FRMD4A: variants seen among roughly 807,000 people sequenced by gnomAD.
FRMD4A encodes the protein FERM domain containing 4A.
FRMD4A carries 29 observed loss-of-function variants against 129.1 expected under a neutral mutation model. That is an observed-to-expected ratio of 0.22 (90% CI 0.17 to 0.31). The LOEUF (loss-of-function observed/expected upper bound fraction) is 0.31. Ranked by LOEUF, FRMD4A falls within the 10% of genes least tolerant of loss-of-function variation. The pLI is 1.00. For missense variants in FRMD4A, 1,272 were observed against 1,375.8 expected (o/e 0.92, Z 1.19); for synonymous variants, 634 against 571.6 (o/e 1.11, Z -1.56).
At chr10:13,813,337 C>T (rs1588866585) in intron 3 of FRMD4A, among the ~76,000 whole-genome samples, 2 of 152,220 alleles carry the variant, frequency 1.3e-5, no homozygotes, top group Admixed American at 6.5e-5. Flanking sequence ...TCCAGCTACT[C>T]GGGAGGCTGA....
chr10:13,813,235 A>T (rs185890458), intron 3 of FRMD4A, among the ~76,000 whole-genome samples: 285 of 152,362 alleles, frequency 1.9e-3, no homozygotes, highest in African/African-American at 6.3e-3. Context: ...GCGTGAGGTC[A>T]GGAGTTTGAG....
intron 2 of FRMD4A, among the ~76,000 whole-genome samples, chr10:13,898,995 C>T (rs2094789772): frequency 6.6e-6 from 1 of 151,900 alleles, no homozygotes; most frequent in Non-Finnish European, 1.5e-5. Flanking sequence ...CCAGCCTGGG[C>T]TACATAGTGA....
Position 13,672,298 on chromosome 10 carries a change from A to T in FRMD4A, c.1252-1770T>A, listed in dbSNP as rs189111572. ...AATTTTCTTCCCTGGTTTTTTCTTT[A>T]AAAAAAAAATGTGGTTCAAATGTCT... On this transcript the variant is annotated intron_variant, in intron 16 of 24. Transcript: ENST00000357447. Among the ~76,000 whole-genome samples, 228 of 142,122 alleles carry T rather than the reference A, an allele frequency of 1.6e-3. 1 individual carries two copies. Among genetic ancestry groups the T allele is most frequent in the Middle Eastern group, 0.014 (4 of 290 alleles). 93.2% of individuals were successfully genotyped at this position (142,122 alleles called of 152,430 possible).
rs1564496088 is a variant in FRMD4A, at chr10:13,646,659, G to T, written c.*379C>A. ...CCCCCTGATGGTTCCTGGCCTAGGG[G>T]CTGTCATGGCAGAGGGAAGCCACCA... On this transcript the variant is annotated 3_prime_UTR_variant, in exon 25 of 25. Transcript: ENST00000357447. 1 of 152,794 alleles carries T rather than the reference G, an allele frequency of 6.5e-6. No homozygotes were observed. Among genetic ancestry groups the T allele is most frequent in the Admixed American group, 6.5e-5 (1 of 15,292 alleles). The allele number at this position is 152,794 out of a possible 1,614,324, so 9.5% of individuals were successfully genotyped here. A position where few individuals can be genotyped will look rare whatever the true frequency, so the allele number is the denominator to read the frequency against.
chr10:13,712,006 A>C (rs2088070223), intron 12 of FRMD4A: 1 of 152,272 alleles, frequency 6.6e-6, no homozygotes, highest in Non-Finnish European at 1.5e-5. Flanking sequence ...AATGAGCTAC[A>C]ATATGACTGT....
At chr10:13,666,666 A>G (rs765695753) in intron 17 of FRMD4A, among the ~76,000 whole-genome samples, 3 of 152,126 alleles carry the variant, frequency 2.0e-5, no homozygotes, top group Non-Finnish European at 4.4e-5. Flanking sequence ...TCAGAGCCCA[A>G]GTGACTGTCA....
At chr10:13,950,838 T>A (rs1383349725) in intron 2 of FRMD4A, among the ~76,000 whole-genome samples, 1 of 152,236 alleles carries the variant, frequency 6.6e-6, no homozygotes, top group Non-Finnish European at 1.5e-5. Flanking sequence ...GATGACCTTA[T>A]CCTGCTTATT....
At chr10:14,061,546 T>C (rs758410578) in intron 2 of FRMD4A, among the ~76,000 whole-genome samples, 4 of 152,148 alleles carry the variant, frequency 2.6e-5, no homozygotes, top group Non-Finnish European at 5.9e-5. Flanking sequence ...TAAACCTAAG[T>C]GGGTACAATC....
chr10:13,705,395 C>T (rs1252658521), intron 13 of FRMD4A, among the ~76,000 whole-genome samples: 3 of 152,144 alleles, frequency 2.0e-5, no homozygotes, highest in Non-Finnish European at 4.4e-5. Flanking sequence ...AAGGATTTGT[C>T]CAAGGTGCCT....
chr10:14,148,117 A>T (rs1038038624), intron 2 of FRMD4A, among the ~76,000 whole-genome samples: 4 of 152,178 alleles, frequency 2.6e-5, no homozygotes, highest in Admixed American at 2.6e-4. Flanking sequence ...AATTTGTACA[A>T]TGTCACGAGG....
chr10:14,238,892 C>T (rs1187941959), intron 2 of FRMD4A, among the ~76,000 whole-genome samples: 3 of 152,178 alleles, frequency 2.0e-5, no homozygotes, highest in Non-Finnish European at 4.4e-5. Flanking sequence ...CATAGTATTC[C>T]ATGGTGTATA....
intron 2 of FRMD4A, among the ~76,000 whole-genome samples, chr10:13,869,299 C>T (rs1313070877): frequency 6.6e-6 from 1 of 152,222 alleles, no homozygotes; most frequent in African/African-American, 2.4e-5. Flanking sequence ...GCTGGTACAA[C>T]AGGAAGCTCT....
At chr10:14,145,476 G>C (rs970375984) in intron 2 of FRMD4A, among the ~76,000 whole-genome samples, 3 of 152,312 alleles carry the variant, frequency 2.0e-5, no homozygotes, top group Admixed American at 1.3e-4. Flanking sequence ...CCAGAAGATA[G>C]ACCCAGGCTG....
intron 12 of FRMD4A, among the ~76,000 whole-genome samples, chr10:13,731,077 C>T (rs1267074859): frequency 6.6e-6 from 1 of 151,588 alleles, no homozygotes; most frequent in Non-Finnish European, 1.5e-5. Context: ...CTACTTCTGT[C>T]ATCACTGCTG....
At chr10:14,179,195 TCTGG>T (rs1841829852) in intron 2 of FRMD4A, among the ~76,000 whole-genome samples, 1 of 152,142 alleles carries the variant, frequency 6.6e-6, no homozygotes, top group African/African-American at 2.4e-5. Flanking sequence ...CCTTAGAGTC[TCTGG>T]GGATCATAGC....
chr10:13,716,399 T>C (rs1212123637), intron 12 of FRMD4A, among the ~76,000 whole-genome samples: 1 of 152,200 alleles, frequency 6.6e-6, no homozygotes, highest in Non-Finnish European at 1.5e-5. Context: ...ACCCAAACAA[T>C]GACGGCAGAT....
intron 2 of FRMD4A, among the ~76,000 whole-genome samples, chr10:13,994,336 C>T (rs969787832): frequency 2.0e-5 from 3 of 152,000 alleles, no homozygotes; most frequent in Non-Finnish European, 4.4e-5. Context: ...TGCCCCACCA[C>T]ACTCAGCTAA....
At chr10:13,963,293 A>T (rs571106523) in intron 2 of FRMD4A, among the ~76,000 whole-genome samples, 1 of 140,362 alleles carries the variant, frequency 7.1e-6, no homozygotes, top group African/African-American at 2.6e-5. Context: ...TTTTTTTTCA[A>T]CCACATATGT....
At chr10:13,691,097 C>T (rs1386421536) in intron 15 of FRMD4A, among the ~76,000 whole-genome samples, 1 of 152,194 alleles carries the variant, frequency 6.6e-6, no homozygotes, top group East Asian at 1.9e-4. Context: ...AAGTGATTCT[C>T]CTGCCTCAGC....
Sources: allele counts gnomAD v4.1 joint callset (sites outside exome capture counted in the v4.1 genomes callset), GRCh38; gene constraint gnomAD v4.1.1; transcripts MANE v1.5; gene names NCBI Gene and HGNC (gene_info 2026-07-23, HGNC 2026-07-21).